ZDHHC14: variants seen among roughly 807,000 people sequenced by gnomAD.
ZDHHC14 encodes palmitoyltransferase ZDHHC14.
In ZDHHC14, 16 loss-of-function variants were observed where a neutral mutation model predicts 47.7. The ratio of observed to expected loss-of-function variants is 0.34; its 90% confidence interval spans 0.23 to 0.51. The LOEUF (loss-of-function observed/expected upper bound fraction) is 0.51. ZDHHC14 is among the 20% of genes least tolerant of loss of function. ZDHHC14 has a pLI of 0.97. For missense variants in ZDHHC14, 515 were observed against 662.5 expected (o/e 0.78, Z 2.44); for synonymous variants, 293 against 278.9 (o/e 1.05, Z -0.50).
At chr6:157,461,843 G>A (rs1398249662) in intron 1 of ZDHHC14, among the ~76,000 whole-genome samples, 2 of 152,206 alleles carry the variant, frequency 1.3e-5, no homozygotes, top group Non-Finnish European at 2.9e-5. Flanking sequence ...CAGAATGAAG[G>A]ATTTATTAGT....
intron 3 of ZDHHC14, among the ~76,000 whole-genome samples, chr6:157,616,046 G>A (rs780053242): frequency 2.3e-4 from 35 of 152,172 alleles, no homozygotes; most frequent in Non-Finnish European, 1.8e-4. Flanking sequence ...AGAGTGGGGC[G>A]CCAGCAGCAT....
At chr6:157,383,675 C>G (rs976990213) in intron 1 of ZDHHC14, among the ~76,000 whole-genome samples, 8 of 152,200 alleles carry the variant, frequency 5.3e-5, no homozygotes, top group African/African-American at 1.7e-4. Context: ...TTCCCCAGTC[C>G]TTCTCACACA....
chr6:157,585,977 C>T (rs2114880687), intron 2 of ZDHHC14, among the ~76,000 whole-genome samples: 1 of 152,316 alleles, frequency 6.6e-6, no homozygotes, highest in South Asian at 2.1e-4. Context: ...GGGAGCATGG[C>T]AGTCCTCCAT....
intron 1 of ZDHHC14, among the ~76,000 whole-genome samples, chr6:157,518,106 C>T (rs1335646998): frequency 1.3e-5 from 2 of 152,056 alleles, no homozygotes; most frequent in African/African-American, 4.8e-5. Context: ...TGTTTATTTT[C>T]CTGAAGTTCA....
intron 1 of ZDHHC14, among the ~76,000 whole-genome samples, chr6:157,449,588 T>G (rs1778755854): frequency 6.6e-6 from 1 of 152,230 alleles, no homozygotes; most frequent in Non-Finnish European, 1.5e-5. Context: ...GCTGTCACTA[T>G]AGTTTTGCCT....
intron 1 of ZDHHC14, among the ~76,000 whole-genome samples, chr6:157,402,071 C>T (rs1777651730): frequency 6.6e-6 from 1 of 151,388 alleles, no homozygotes; most frequent in Non-Finnish European, 1.5e-5. Flanking sequence ...GAGATGCGCA[C>T]CTGCTGAGGT....
intron 3 of ZDHHC14, among the ~76,000 whole-genome samples, chr6:157,619,844 G>A (rs549616657): frequency 8.5e-5 from 13 of 152,216 alleles, no homozygotes; most frequent in Admixed American, 2.0e-4. Flanking sequence ...AGATTTTCCC[G>A]CTCAAAGGCA....
intron 1 of ZDHHC14, among the ~76,000 whole-genome samples, chr6:157,483,977 A>G (rs111281478): frequency 0.038 from 5,747 of 152,246 alleles, 157 homozygotes; most frequent in Non-Finnish European, 0.055. Flanking sequence ...AAAAAAGAAC[A>G]ATATGTCCTT....
At chr6:157,421,899 C>T (rs934708532) in intron 1 of ZDHHC14, among the ~76,000 whole-genome samples, 15 of 152,252 alleles carry the variant, frequency 9.9e-5, no homozygotes, top group African/African-American at 1.9e-4. Flanking sequence ...TGAGCCACCG[C>T]GCCCGGCCTG....
chr6:157,470,656 A>T (rs931317278), intron 1 of ZDHHC14, among the ~76,000 whole-genome samples: 2 of 152,236 alleles, frequency 1.3e-5, no homozygotes, highest in Non-Finnish European at 2.9e-5. Flanking sequence ...AAACACTGTT[A>T]TTTTACAGAT....
chr6:157,531,631 G>A (rs1338223763), intron 1 of ZDHHC14, among the ~76,000 whole-genome samples: 3 of 151,590 alleles, frequency 2.0e-5, no homozygotes, highest in African/African-American at 7.3e-5. Context: ...CTGCCAGGAA[G>A]CGAGGGTCTT....
chr6:157,562,118 A>G (rs1179660360), intron 2 of ZDHHC14, among the ~76,000 whole-genome samples: 2 of 152,140 alleles, frequency 1.3e-5, no homozygotes, highest in East Asian at 3.9e-4. Flanking sequence ...TCCAGAAAAC[A>G]TGTGTGGGGC....
chr6:157,614,588 T>C (rs550075660), intron 3 of ZDHHC14, among the ~76,000 whole-genome samples: 28 of 152,068 alleles, frequency 1.8e-4, no homozygotes, highest in African/African-American at 6.3e-4. Flanking sequence ...CTATAAATCC[T>C]CTCAGAAAAC....
At position 157,573,758 on chromosome 6, in the gene ZDHHC14, A is replaced by G. The variant is rs557280236; in HGVS notation, c.407-19230A>G. On this transcript the variant is annotated intron_variant, in intron 2 of 8. Coordinates refer to ENST00000359775, the MANE Select transcript of ZDHHC14 (RefSeq NM_024630.3). ...CGCATCCTGGCTGAGCTTTGTTTCC[A>G]GTACTCTCCATCCAGCCCAGAGGAA... 3.9e-5 allele frequency among the ~76,000 whole-genome samples: 6 copies of G among 152,250 alleles called. No homozygotes were observed. The South Asian group carries it at 1.2e-3, about 32-fold the overall frequency.
intron 1 of ZDHHC14, among the ~76,000 whole-genome samples, chr6:157,488,208 G>T (rs534074957): frequency 3.9e-5 from 6 of 152,298 alleles, no homozygotes; most frequent in Admixed American, 3.9e-4. Flanking sequence ...CTTAATTGTA[G>T]TGGGAGGCGG....
intron 1 of ZDHHC14, among the ~76,000 whole-genome samples, chr6:157,526,043 CT>C (rs1380759014): frequency 6.6e-6 from 1 of 152,212 alleles, no homozygotes; most frequent in Non-Finnish European, 1.5e-5. Context: ...TAAGCTTTCA[CT>C]TTAAACTTCA....
chr6:157,512,239 G>A (rs1234000589), intron 1 of ZDHHC14, among the ~76,000 whole-genome samples: 2 of 152,222 alleles, frequency 1.3e-5, no homozygotes, highest in African/African-American at 4.8e-5. Context: ...TTTGAACCCA[G>A]TCATCCTGGC....
At chr6:157,600,267 G>A (rs1784289944) in intron 3 of ZDHHC14, among the ~76,000 whole-genome samples, 2 of 152,082 alleles carry the variant, frequency 1.3e-5, no homozygotes. Context: ...TAATCTACCA[G>A]TATAATAAAG....
At chr6:157,555,301 T>C (rs1466789858) in intron 2 of ZDHHC14, among the ~76,000 whole-genome samples, 2 of 152,238 alleles carry the variant, frequency 1.3e-5, no homozygotes, top group Admixed American at 6.5e-5. Flanking sequence ...TGGTCACAAA[T>C]GGTTTGTCTG....
Sources: allele counts gnomAD v4.1 joint callset (sites outside exome capture counted in the v4.1 genomes callset), GRCh38; gene constraint gnomAD v4.1.1; transcripts MANE v1.5; gene names NCBI Gene and HGNC (gene_info 2026-07-23, HGNC 2026-07-21).